Variants in SYT2 observed in about 807,000 individuals in gnomAD.
The protein encoded by SYT2 is synaptotagmin 2, also known as synaptotagmin-2.
In SYT2, 15 loss-of-function variants were observed where a neutral mutation model predicts 39.9. The ratio of observed to expected loss-of-function variants is 0.38; its 90% CI spans 0.25 to 0.58. SYT2 has a LOEUF of 0.58. Among genes scored for constraint, SYT2 ranks in the 20% least tolerant of loss-of-function variants. The pLI is 0.70. For synonymous variants in SYT2, 181 were observed against 204.5 expected (o/e 0.89, Z 0.98); for missense variants, 389 against 530.3 (o/e 0.73, Z 2.62).
intron 1 of SYT2, among the ~76,000 whole-genome samples, chr1:202,653,313 C>T (rs1284319252): frequency 6.6e-6 from 1 of 152,140 alleles, no homozygotes; most frequent in Non-Finnish European, 1.5e-5. Context: ...ACCTAGAGCA[C>T]CTTTAGTTCT....
intron 1 of SYT2, among the ~76,000 whole-genome samples, chr1:202,691,241 C>T (rs1320085208): frequency 1.3e-5 from 2 of 152,174 alleles, no homozygotes; most frequent in South Asian, 2.1e-4. Context: ...AGAGCCTGGG[C>T]TAGCTTTCCC....
rs566139820 is a variant in SYT2 at position 202,632,616 on chromosome 1, G to A, written c.-17-26827C>T. 7.8e-4 allele frequency: 770 copies of A among 984,366 alleles called. 5 individuals are homozygous for A. In the African/African-American group the frequency reaches 8.0e-3, roughly 10 times the overall value. The allele number at this position is 984,366 out of a possible 1,614,324, so 61.0% of individuals were successfully genotyped here. ...TTCCCAGGCATTACCCAACAGGCTC[G>A]ACTCTTCTCCAAGCAGGGGAAAAGA... On this transcript the variant is annotated intron_variant, in intron 1 of 8. Transcript: ENST00000367268.
intron 1 of SYT2, among the ~76,000 whole-genome samples, chr1:202,610,863 A>G (rs1266380737): frequency 1.3e-5 from 2 of 152,112 alleles, no homozygotes; most frequent in Non-Finnish European, 2.9e-5. Flanking sequence ...GCTCATGGGT[A>G]GGAAGAATCA....
chr1:202,666,081 A>G (rs1692476647), intron 1 of SYT2, among the ~76,000 whole-genome samples: 1 of 144,804 alleles, frequency 6.9e-6, no homozygotes. Context: ...TGAACCAGGG[A>G]GGCGGAGCTT....
intron 1 of SYT2, chr1:202,643,316 A>AGAGGGC (rs1486091277): frequency 6.8e-6 from 1 of 146,710 alleles, no homozygotes; most frequent in Non-Finnish European, 1.5e-5. Context: ...GAGCTGGTGG[A>AGAGGGC]GAGGGCGGGG....
chr1:202,663,241 T>C (rs1396200811), intron 1 of SYT2, among the ~76,000 whole-genome samples: 1 of 152,192 alleles, frequency 6.6e-6, no homozygotes, highest in African/African-American at 2.4e-5. Flanking sequence ...AACCAAGGGA[T>C]GCGGAGGTCA....
At chr1:202,603,339 C>T (rs1690586409) in intron 3 of SYT2, among the ~76,000 whole-genome samples, 1 of 152,194 alleles carries the variant, frequency 6.6e-6, no homozygotes, top group Admixed American at 6.5e-5. Flanking sequence ...GTGTTTGAGA[C>T]ATGGCTCTGG....
intron 1 of SYT2, among the ~76,000 whole-genome samples, chr1:202,630,808 G>A (rs1691563244): frequency 6.6e-6 from 1 of 152,234 alleles, no homozygotes; most frequent in Admixed American, 6.5e-5. Flanking sequence ...CGGGCCCCAG[G>A]AAACATTTGA....
At chr1:202,646,753 G>A (rs906650045) in intron 1 of SYT2, among the ~76,000 whole-genome samples, 8 of 152,190 alleles carry the variant, frequency 5.3e-5, no homozygotes, top group African/African-American at 1.9e-4. Context: ...GGAAGACAGA[G>A]GGCTGAAGGA....
At chr1:202,615,421 AC>A (rs1054189129) in intron 1 of SYT2, among the ~76,000 whole-genome samples, 2 of 151,584 alleles carry the variant, frequency 1.3e-5, no homozygotes, top group African/African-American at 2.4e-5. Flanking sequence ...ATGTGGGGTC[AC>A]CCCCCCACAT....
At chr1:202,684,642 A>ACCC (rs1192671760) in intron 1 of SYT2, among the ~76,000 whole-genome samples, 4 of 151,712 alleles carry the variant, frequency 2.6e-5, no homozygotes, top group African/African-American at 9.7e-5. Context: ...CATGTGTAGA[A>ACCC]CTGTGTCCAC....
Position 202,596,853 on chromosome 1 carries a change from C to A in SYT2, c.1164G>T (p.Trp388Cys). The A allele has an allele frequency of 6.2e-7, 1 of 1,614,190 alleles. No individual in the cohort carries two copies. Among genetic ancestry groups the A allele is most frequent in the Non-Finnish European group, 8.5e-7 (1 of 1,180,026 alleles). ...TCCGGGGGTTGGCCAGCATGTCGGACCAGTGCCGCAGCTCTGTGCCCGTGG... is the reference window on the plus strand; with the variant it reads ...TCCGGGGGTTGGCCAGCATGTCGGAACAGTGCCGCAGCTCTGTGCCCGTGG... ...SNATGTELRH[W>C]SDMLANPRRP... Residue 388 changes from tryptophan to cysteine, a missense_variant, in exon 9 of 9, where the codon TGG (tryptophan) becomes TGT (cysteine). By Grantham distance (215) the Trp-to-Cys change is radical. Coordinates refer to ENST00000367268, the MANE Select transcript of SYT2 (RefSeq NM_177402.5).
At chr1:202,699,010 CTTTTT>C (rs5780118) in intron 1 of SYT2, among the ~76,000 whole-genome samples, 5 of 97,946 alleles carry the variant, frequency 5.1e-5, no homozygotes, top group African/African-American at 1.9e-4. Context: ...ACCAAACTGT[CTTTTT>C]TTTTTTTTTT....
chr1:202,704,447 A>T (rs1260322728), intron 1 of SYT2, among the ~76,000 whole-genome samples: 1 of 152,106 alleles, frequency 6.6e-6, no homozygotes, highest in African/African-American at 2.4e-5. Context: ...GGAAAGTAGG[A>T]AGTAAGGAAG....
At chr1:202,709,595 G>A (rs1334372820) in intron 1 of SYT2, among the ~76,000 whole-genome samples, 1 of 152,228 alleles carries the variant, frequency 6.6e-6, no homozygotes, top group Non-Finnish European at 1.5e-5. Flanking sequence ...AGCTGAAGCA[G>A]GGACGGGGCG....
At chr1:202,625,143 A>G (rs200029068) in intron 1 of SYT2, among the ~76,000 whole-genome samples, 66 of 1,606 alleles carry the variant, frequency 0.041, 1 homozygote, top group Admixed American at 0.073. Flanking sequence ...GTGGCGTGTA[A>G]TAGGGTGTGT....
intron 1 of SYT2, among the ~76,000 whole-genome samples, chr1:202,660,982 T>C (rs1029887348): frequency 1.3e-5 from 2 of 152,200 alleles, no homozygotes; most frequent in Non-Finnish European, 2.9e-5. Context: ...TCTGCATCCC[T>C]TTCCTCAAGT....
At chr1:202,649,342 G>A (rs958027311) in intron 1 of SYT2, among the ~76,000 whole-genome samples, 3 of 152,224 alleles carry the variant, frequency 2.0e-5, no homozygotes, top group Non-Finnish European at 4.4e-5. Flanking sequence ...GGTGCCTGGA[G>A]TTAATGAGAT....
At chr1:202,704,823 C>G (rs1442412852) in intron 1 of SYT2, among the ~76,000 whole-genome samples, 1 of 152,230 alleles carries the variant, frequency 6.6e-6, no homozygotes, top group African/African-American at 2.4e-5. Flanking sequence ...GGTGTCCCAT[C>G]ATGCACTCAA....
Sources: gnomAD v4.1 joint callset for allele counts (sites outside exome capture counted in the v4.1 genomes callset) on GRCh38, gnomAD v4.1.1 for gene constraint, MANE v1.5 for transcripts, NCBI Gene and HGNC (gene_info 2026-07-23, HGNC 2026-07-21) for gene names.